NAGPA: variants seen among roughly 807,000 people sequenced by gnomAD.
NAGPA encodes N-acetylglucosamine-1-phosphodiester alpha-N-acetylglucosaminidase, also known as alpha-N-acetylglucosaminyl phosphodiesterase.
Under a neutral mutation model 48.5 loss-of-function variants are expected in NAGPA, and 56 were observed. The observed-to-expected ratio is 1.15, with a 90% confidence interval of 0.93 to 1.44. The LOEUF (loss-of-function observed/expected upper bound fraction) is 1.44. NAGPA is among the 40% of genes most tolerant of loss of function. NAGPA has a pLI of 0.00. For missense variants in NAGPA, 888 were observed against 735.0 expected (o/e 1.21, Z -2.41); for synonymous variants, 399 against 315.5 (o/e 1.26, Z -2.81).
rs1325918356 is a variant in NAGPA at position 5,027,306 on chromosome 16, G to T, written c.1248C>A (p.Pro416=). 1.2e-6 allele frequency: 2 copies of T among 1,614,214 alleles called. No homozygotes were observed. The highest frequency in any genetic ancestry group is 1.7e-5 in the Admixed American group (1 of 60,030). ...TGGAGACGCTGCAGTTGCCAGTCTT[G>T]GGGTCACAGGGACAATGGTGCTCAC... The part of the protein sequence containing the change: ...CKCEHHCPCD[P]KTGNCSVSRV... The change falls in exon 8 of 10, where the codon CCC becomes CCA. Residue 416 remains proline (P), a synonymous_variant. Transcript: ENST00000312251.
chr16:5,033,176 G>GTCCTC lies in NAGPA; in HGVS notation c.542+96_542+97insGAGGA. On this transcript the variant is annotated intron_variant, in intron 2 of 9. Coordinates refer to ENST00000312251, the MANE Select transcript of NAGPA (RefSeq NM_016256.4). This position sits in a 1 kb window ranked among gnomAD's most constrained non-coding sequence, Gnocchi z 4.2. ...CCATTCTGCAGAGGAGGAAACAGGG[G>GTCCTC]CTCAGCTTGGTTAAGTGACTTGAAC... 2 of 1,384,754 alleles carry GTCCTC rather than the reference G, an allele frequency of 1.4e-6. No individual in the cohort carries two copies. 85.8% of individuals were successfully genotyped at this position (1,384,754 alleles called of 1,614,324 possible).
rs1956053627 is a variant in NAGPA at position 5,028,953 on chromosome 16, T to A, written c.847A>T (p.Ile283Phe). The stretch of plus-strand genomic sequence containing the variant: ...GCAGAGCCACCCCCATCCAGGTTGA[T>A]GGCGTTGACCACGTCCTGTTTCAGC... ...FLLKQDVVNA[I>F]NLDGGGSATF... The change falls in exon 5 of 10, where the codon ATC becomes TTC. Residue 283 changes from isoleucine to phenylalanine, a missense_variant. By Grantham distance (21) the Ile-to-Phe change is conservative. Transcript: ENST00000312251. 6.2e-7 allele frequency: 1 copy of A among 1,613,948 alleles called. No individual in the cohort carries two copies.
intron 7 of NAGPA, 140 bp from the exon 8 acceptor site, chr16:5,027,519 TC>T: frequency 1.1e-6 from 1 of 887,782 alleles, no homozygotes; most frequent in Non-Finnish European, 1.8e-6. Context: ...CCCCCTGCCC[TC>T]CCTGGACTAG....
intron 5 of NAGPA, 135 bp downstream of exon 5, chr16:5,028,745 G>A (rs1436151318): frequency 1.4e-6 from 2 of 1,395,520 alleles, no homozygotes; most frequent in South Asian, 2.3e-5. Flanking sequence ...CATCCTGGGG[G>A]AGGGACTGCA....
Position 5,025,658 on chromosome 16 carries a change from CGCCAGGGTGAGGGCTAGCCAG to C in NAGPA, c.1347_1367del (p.Trp450_Ala456del). ...TGCTGATCAGCAGGAGGAAGGCCAG[CGCCAGGGTGAGGGCTAGCCAG>C]GCGGTCCTGCAGACAGGAGAGAAGC... On this transcript the variant is annotated inframe_deletion, in exon 10 of 10. Transcript: ENST00000312251. The C allele has an allele frequency of 6.2e-7, 1 of 1,612,770 alleles. No homozygotes were observed.
chr16:5,025,830 A>C, intron 9 of NAGPA, 145 bp from the exon 10 acceptor site: 1 of 818,526 alleles, frequency 1.2e-6, no homozygotes, highest in Non-Finnish European at 2.0e-6. Context: ...TATGAGCAAA[A>C]TGGACTAGGT....
In NAGPA at chr16:5,033,034, G is replaced by A; in HGVS notation, c.542+239C>T. On this transcript the variant is annotated intron_variant, in intron 2 of 9. Transcript: ENST00000312251. This position sits in a 1 kb window ranked among gnomAD's most constrained non-coding sequence, Gnocchi z 4.2. ...TCTAGTAATGGGGGAGGGCTGTTAA[G>A]GCAAAGACTGTGTTGTTCACGGCTA... The A allele has an allele frequency of 3.4e-6, 2 of 596,452 alleles. No individual in the cohort carries two copies. The highest frequency in any genetic ancestry group is 5.9e-6 in the Non-Finnish European group (2 of 337,146). 36.9% of individuals were successfully genotyped at this position (596,452 alleles called of 1,614,324 possible).
chr16:5,028,269 C>A, intron 5 of NAGPA, 84 bp from the exon 6 acceptor site: 1 of 1,547,334 alleles, frequency 6.5e-7, no homozygotes, highest in South Asian at 1.2e-5. Flanking sequence ...CCACCCCTCT[C>A]TCCATTCTCA....
Position 5,033,633 on chromosome 16 carries a change from T to A in NAGPA, c.182A>T (p.His61Leu), listed in dbSNP as rs1351362482. 17 of 1,533,138 alleles carry A rather than the reference T, an allele frequency of 1.1e-5. No individual in the cohort carries two copies. In the Admixed American group the frequency reaches 3.5e-4, roughly 31 times the overall value. 95.0% of individuals were successfully genotyped at this position (1,533,138 alleles called of 1,614,324 possible). Residue 61 changes from histidine (H) to leucine (L), a missense_variant, in exon 2 of 10, where the codon CAC becomes CTC. Physicochemically the swap from His to Leu is moderately conservative, Grantham distance 99 (BLOSUM62 -3). Coordinates refer to ENST00000312251, the MANE Select transcript of NAGPA (RefSeq NM_016256.4). The surrounding 1 kb of genome is among the most constrained non-coding windows in gnomAD (Gnocchi z 4.2). ...CGCGGGAGGCGGAGGCCAACTCTCG[T>A]GCTCGCGGTTGCCGGCGCGCACCCG... ...CTRVRAGNRE[H>L]ESWPPPPATP...
chr16:5,026,922 A>C (rs910054999), intron 9 of NAGPA, among the ~76,000 whole-genome samples: 2 of 152,166 alleles, frequency 1.3e-5, no homozygotes, highest in African/African-American at 4.8e-5. Flanking sequence ...TCTGAGCTCC[A>C]GTGGGGGATG....
intron 3 of NAGPA, 91 bp downstream of exon 3, chr16:5,031,654 C>T (rs946681313): frequency 4.5e-6 from 7 of 1,558,240 alleles, no homozygotes; most frequent in South Asian, 1.1e-5. Context: ...AGTAGCTGCT[C>T]AATACTTGTT....
chr16:5,026,086 G>A (rs970486901), intron 9 of NAGPA, among the ~76,000 whole-genome samples: 27 of 151,694 alleles, frequency 1.8e-4, no homozygotes, highest in African/African-American at 6.0e-4. Context: ...GAATCACCAC[G>A]CCTGGCTAAT....
In NAGPA at chr16:5,027,872, C is replaced by A. The variant is rs1567138710; in HGVS notation, c.1148G>T (p.Gly383Val). ...TTCACTGCAGTTGGACCCGGTCCAT[C>A]CGGCATCACAGCGGCAGCCGGCTGC... ...CTETGCRCDA[G>V]WTGSNCSEEC... Residue 383 changes from glycine (G) to valine (V), a missense_variant, in exon 7 of 10, where the codon GGA (glycine) becomes GTA (valine). Physicochemically the swap from Gly to Val is moderately radical, Grantham distance 109 (BLOSUM62 -3). Coordinates refer to ENST00000312251, the MANE Select transcript of NAGPA (RefSeq NM_016256.4). 1 of 1,579,576 alleles carries A rather than the reference C, an allele frequency of 6.3e-7. No individual in the cohort carries two copies. The highest frequency in any genetic ancestry group is 8.6e-7 in the Non-Finnish European group (1 of 1,162,504).
chr16:5,025,751 G>T, intron 9 of NAGPA, 66 bp from the exon 10 acceptor site: 1 of 1,485,624 alleles, frequency 6.7e-7, no homozygotes, highest in Non-Finnish European at 9.2e-7. Flanking sequence ...GGTAGCACTG[G>T]AGGGGCTTCC....
Position 5,028,139 on chromosome 16 carries a change from A to T in NAGPA, c.967T>A (p.Cys323Ser). The T allele has an allele frequency of 8.2e-6, 13 of 1,594,806 alleles. No homozygotes were observed. The highest frequency in any genetic ancestry group is 1.1e-5 in the Non-Finnish European group (13 of 1,170,708). ...RCPRQVSTVV[C>S]VHEPRCQPPD... ...GGCTGGCAGCGGGGTTCGTGCACAC[A>T]CACCACGGTGGACACTTGGCGGGGA... Residue 323 changes from cysteine (C) to serine (S), a missense_variant, in exon 6 of 10, where the codon TGT becomes AGT. By Grantham distance (112) the Cys-to-Ser change is moderately radical. Transcript: ENST00000312251.
intron 4 of NAGPA, 36 bp from the exon 5 acceptor site, chr16:5,029,044 C>T: frequency 1.2e-6 from 2 of 1,609,278 alleles, no homozygotes; most frequent in Non-Finnish European, 1.7e-6. Context: ...GGCTCAGCGC[C>T]CACCATCATT....
In NAGPA at chr16:5,027,394, TGGGAGGAGGG is replaced by T. The variant is rs781182645; in HGVS notation, c.1175-25_1175-16del. The T allele has an allele frequency of 2.7e-5, 43 of 1,608,928 alleles. No individual in the cohort carries two copies. Among genetic ancestry groups the T allele is most frequent in the Admixed American group, 5.0e-5 (3 of 59,904 alleles). ...AAGGGGACACTCTATGGAAAGGAGATGGGAGGAGGGAGGAGGGAGGAGAAAGGTTGGGGCC... is the reference window on the plus strand; with the variant it reads ...AAGGGGACACTCTATGGAAAGGAGATAGGAGGGAGGAGAAAGGTTGGGGCC... On this transcript the variant is annotated splice_polypyrimidine_tract_variant and intron_variant, in intron 7 of 9. Coordinates refer to ENST00000312251, the MANE Select transcript of NAGPA (RefSeq NM_016256.4).
In NAGPA at chr16:5,030,398, T is replaced by C. The variant is rs1421810124; in HGVS notation, c.778A>G (p.Thr260Ala). 6.4e-7 allele frequency: 1 copy of C among 1,551,714 alleles called. No homozygotes were observed. The highest frequency in any genetic ancestry group is 1.2e-5 in the South Asian group (1 of 84,072). ...CCCAGGACTCACCCACGCTGCTCCG[T>C]TTGGCCGTCTGCATGAAAGAGCACC... is the stretch of plus-strand genomic sequence containing the variant. ...QLVLFHADGQ[T>A]EQRGINLWEM... Residue 260 changes from threonine to alanine, a missense_variant, in exon 4 of 10, where the codon ACG (threonine) becomes GCG (alanine). By Grantham distance (58) the Thr-to-Ala change is moderately conservative. Transcript: ENST00000312251.
At chr16:5,032,554 C>T (rs1178763174) in intron 2 of NAGPA, among the ~76,000 whole-genome samples, 4 of 151,908 alleles carry the variant, frequency 2.6e-5, no homozygotes, top group African/African-American at 7.3e-5. Flanking sequence ...TGGCACACGT[C>T]CGTAGTCCCA....
Sources: gnomAD v4.1 joint callset for allele counts (sites outside exome capture counted in the v4.1 genomes callset) on GRCh38, gnomAD v4.1.1 for gene constraint, Gnocchi (gnomAD v3.1) non-coding constraint, MANE v1.5 for transcripts, NCBI Gene and HGNC (gene_info 2026-07-23, HGNC 2026-07-21) for gene names.